The following MAGI2 variants were observed in gnomAD, a reference collection of about 807,000 sequenced individuals.
MAGI2 encodes the protein membrane-associated guanylate kinase, WW and PDZ domain-containing protein 2.
A neutral mutation model predicts 133.3 loss-of-function variants in MAGI2; 35 were observed. The observed-to-expected ratio is 0.26, with a 90% CI of 0.20 to 0.35. The LOEUF (loss-of-function observed/expected upper bound fraction) is 0.35. MAGI2 is among the 10% of genes least tolerant of loss of function. MAGI2 has a pLI of 1.00. For synonymous variants in MAGI2, 729 were observed against 710.6 expected (o/e 1.03, Z -0.41); for missense variants, 1,636 against 1,863.4 (o/e 0.88, Z 2.25).
intron 21 of MAGI2, among the ~76,000 whole-genome samples, chr7:78,067,914 G>T (rs762031305): frequency 6.6e-6 from 1 of 152,212 alleles, no homozygotes; most frequent in South Asian, 2.1e-4. Context: ...GGTTGCCAGG[G>T]GTGGGTGTGG....
At chr7:78,490,776 A>C (rs537555098) in intron 5 of MAGI2, among the ~76,000 whole-genome samples, 6 of 152,220 alleles carry the variant, frequency 3.9e-5, no homozygotes, top group African/African-American at 1.4e-4. Flanking sequence ...ATTGGAGCTA[A>C]AATGTTTACT....
intron 6 of MAGI2, among the ~76,000 whole-genome samples, chr7:78,460,144 T>C (rs2151507100): frequency 6.6e-6 from 1 of 152,332 alleles, no homozygotes; most frequent in African/African-American, 2.4e-5. Context: ...ATACTTATTC[T>C]TCCAATAAAT....
chr7:78,178,414 A>G (rs1294661503), intron 13 of MAGI2, among the ~76,000 whole-genome samples: 1 of 152,190 alleles, frequency 6.6e-6, no homozygotes, highest in Non-Finnish European at 1.5e-5. Flanking sequence ...GAGAGCATTC[A>G]GATTGCCCTC....
chr7:78,169,337 G>A (rs1159213448), intron 14 of MAGI2, among the ~76,000 whole-genome samples: 4 of 152,224 alleles, frequency 2.6e-5, no homozygotes, highest in Non-Finnish European at 5.9e-5. Context: ...CCATTAGCCT[G>A]ATGATACTAC....
chr7:78,169,640 A>G (rs1405239699), intron 14 of MAGI2, among the ~76,000 whole-genome samples: 3 of 152,176 alleles, frequency 2.0e-5, no homozygotes, highest in African/African-American at 7.2e-5. Flanking sequence ...AATTTCCCAC[A>G]CTACTTCTGC....
Position 78,203,342 on chromosome 7 carries a change from T to A in MAGI2, c.2048-2149A>T, listed in dbSNP as rs144589164. Reference sequence around the variant, plus strand: ...TGAGACGTTATCTTGAAAGATGATTTTCCCTCCTATAGAAAATGTATAATC... The same window carrying A: ...TGAGACGTTATCTTGAAAGATGATTATCCCTCCTATAGAAAATGTATAATC... On this transcript the variant is annotated intron_variant, in intron 10 of 21. Transcript: ENST00000354212. 2.5e-3 allele frequency among the ~76,000 whole-genome samples: 388 copies of A among 152,336 alleles called. 1 individual carries two copies. The highest frequency in any genetic ancestry group is 8.8e-3 in the African/African-American group (365 of 41,576).
chr7:79,316,773 G>C lies in MAGI2; in HGVS notation c.301+136247C>G, dbSNP rs1323431234. Among the ~76,000 whole-genome samples the C allele has an allele frequency of 2.0e-5, 3 of 152,064 alleles. No individual in the cohort carries two copies. In the East Asian group the frequency reaches 5.8e-4, roughly 29 times the overall value. On this transcript the variant is annotated intron_variant, in intron 1 of 21. Transcript: ENST00000354212. ...ACATTTATTAAGTGCAAATTATGTG[G>C]TGGGCACTCTGCAAAGTCCTTTATA... is the stretch of plus-strand genomic sequence containing the variant.
Position 78,346,008 on chromosome 7 carries a change from A to T in MAGI2, c.1139T>A (p.Val380Asp). The T allele has an allele frequency of 2.5e-6, 4 of 1,614,152 alleles. No homozygotes were observed. The highest frequency in any genetic ancestry group is 3.4e-6 in the Non-Finnish European group (4 of 1,180,020). Reference protein sequence around the residue: ...INRRTQFENPVLEAKRKLQQH... With the variant: ...INRRTQFENPDLEAKRKLQQH... ...CTGTAGCTTCCTTTTTGCTTCCAGG[A>T]CAGGATTTTCAAACTGTGTTCTTCT... is the stretch of plus-strand genomic sequence containing the variant. Residue 380 changes from valine (V) to aspartate (D), a missense_variant, in exon 8 of 22, where the codon GTC becomes GAC. Val to Asp is a radical substitution (Grantham distance 152). This residue lies in a region of MAGI2 where 920 missense variants were observed against 1,093.5 expected (regional missense o/e 0.84). Transcript: ENST00000354212.
chr7:78,760,631 A>G (rs117776570), intron 2 of MAGI2, among the ~76,000 whole-genome samples: 2 of 152,260 alleles, frequency 1.3e-5, no homozygotes, highest in Non-Finnish European at 2.9e-5. Flanking sequence ...TGACAATCTT[A>G]TGGAGAAGTG....
intron 1 of MAGI2, among the ~76,000 whole-genome samples, chr7:79,186,224 ATATATATATATATATATATT>A (rs1562973063): frequency 9.3e-6 from 1 of 106,998 alleles, no homozygotes; most frequent in Non-Finnish European, 2.1e-5. Flanking sequence ...ATATATATAT[ATATATATATATATATATATT>A]TATATTTATT....
At chr7:78,362,085 T>C (rs980351116) in intron 7 of MAGI2, among the ~76,000 whole-genome samples, 1 of 151,968 alleles carries the variant, frequency 6.6e-6, no homozygotes, top group East Asian at 1.9e-4. Context: ...GTGGATCACT[T>C]GAGGTCAGGA....
chr7:79,346,678 C>T (rs1296659792), intron 1 of MAGI2, among the ~76,000 whole-genome samples: 1 of 151,832 alleles, frequency 6.6e-6, no homozygotes, highest in Non-Finnish European at 1.5e-5. Flanking sequence ...TTTGCTGAAC[C>T]CTCTATACTC....
chr7:78,325,642 T>C (rs1281948810), intron 9 of MAGI2, among the ~76,000 whole-genome samples: 1 of 152,134 alleles, frequency 6.6e-6, no homozygotes, highest in African/African-American at 2.4e-5. Flanking sequence ...TTCCAATAGG[T>C]AGATGACCAG....
chr7:78,256,458 G>A lies in MAGI2; in HGVS notation c.1532C>T (p.Pro511Leu). 2 of 1,613,916 alleles carry A rather than the reference G, an allele frequency of 1.2e-6. No individual in the cohort carries two copies. Among genetic ancestry groups the A allele is most frequent in the Non-Finnish European group, 1.7e-6 (2 of 1,179,960 alleles). The change falls in exon 10 of 22, where the codon CCT becomes CTT. Residue 511 changes from proline (P) to leucine (L), a missense_variant. Coordinates refer to ENST00000354212, the MANE Select transcript of MAGI2 (RefSeq NM_012301.4). ...SVNLVLCRGYPLPFDPEDPAN... is the reference protein window; with the variant it reads ...SVNLVLCRGYLLPFDPEDPAN... ...AGGGTCTTCAGGATCAAAGGGCAAAGGGTAGCCACGACACAACACCAGGTT... is the reference window on the plus strand; with the variant it reads ...AGGGTCTTCAGGATCAAAGGGCAAAAGGTAGCCACGACACAACACCAGGTT...
At chr7:78,864,950 T>C (rs1317173026) in intron 2 of MAGI2, among the ~76,000 whole-genome samples, 1 of 152,198 alleles carries the variant, frequency 6.6e-6, no homozygotes, top group African/African-American at 2.4e-5. Context: ...GAGACTACTT[T>C]AATGCCCCAG....
At chr7:78,435,252 T>G (rs1417632815) in intron 6 of MAGI2, among the ~76,000 whole-genome samples, 1 of 152,152 alleles carries the variant, frequency 6.6e-6, no homozygotes, top group Non-Finnish European at 1.5e-5. Context: ...TAAATGCCAG[T>G]TAGTATTATT....
chr7:78,345,926 G>A lies in MAGI2; in HGVS notation c.1221C>T (p.Phe407=). 6.2e-7 allele frequency: 1 copy of A among 1,613,936 alleles called. No homozygotes were observed. Among genetic ancestry groups the A allele is most frequent in the Middle Eastern group, 1.6e-4 (1 of 6,062 alleles). Residue 407 remains phenylalanine (F), a synonymous_variant, in exon 8 of 22, where the codon TTC becomes TTT. Coordinates refer to ENST00000354212, the MANE Select transcript of MAGI2 (RefSeq NM_012301.4). ...LGTKPLQAPG[F]REKPLFTRDA... ...ACATGCTGACAGGTATCATACCTCG[G>A]AAACCTGGGGCCTGCAGGGGCTTTG...
intron 9 of MAGI2, among the ~76,000 whole-genome samples, chr7:78,265,614 C>T (rs1012940491): frequency 7.9e-5 from 12 of 152,192 alleles, no homozygotes; most frequent in Non-Finnish European, 1.8e-4. Context: ...TAGCATTCCC[C>T]TGTACTCTTC....
chr7:78,745,373 AC>A (rs1412821946), intron 2 of MAGI2, among the ~76,000 whole-genome samples: 1 of 152,006 alleles, frequency 6.6e-6, no homozygotes, highest in African/African-American at 2.4e-5. Context: ...CAGAGGCCCA[AC>A]TCCTGCTGGT....
Sources: allele counts gnomAD v4.1 joint callset (sites outside exome capture counted in the v4.1 genomes callset), GRCh38; gene constraint gnomAD v4.1.1; regional missense constraint gnomAD v4.1.1; transcripts MANE v1.5; gene names NCBI Gene and HGNC (gene_info 2026-07-23, HGNC 2026-07-21).